The following BCL2L11 variants were observed in gnomAD, a reference collection of about 807,000 sequenced individuals.
BCL2L11 encodes the protein bcl-2-like protein 11.
Under a neutral mutation model 20.6 loss-of-function variants are expected in BCL2L11, and 15 were observed. The ratio of observed to expected loss-of-function variants is 0.73; its 90% confidence interval spans 0.49 to 1.12. The LOEUF is 1.12. Ranked by LOEUF, BCL2L11 falls within the 50% of genes most tolerant of loss-of-function variation. BCL2L11 has a pLI of 0.00. For missense variants in BCL2L11, 292 were observed against 260.9 expected (o/e 1.12, Z -0.82); for synonymous variants, 108 against 92.8 (o/e 1.16, Z -0.94).
At chr2:111,123,695 T>C (rs2071785440) in intron 1 of BCL2L11, 38 bp from the exon 2 acceptor site, 1 of 1,382,234 alleles carries the variant, frequency 7.2e-7, no homozygotes, top group African/African-American at 1.5e-5. Flanking sequence ...GATTTTTTTT[T>C]TTGCTTAAAA....
chr2:111,150,908 G>T (rs616144), intron 3 of BCL2L11, among the ~76,000 whole-genome samples: 33,827 of 88,584 alleles, frequency 0.38, 4,220 homozygotes, highest in African/African-American at 0.47. Flanking sequence ...GTTTGTTTGT[G>T]TGTGTGTTTG....
chr2:111,123,351 G>A, intron 1 of BCL2L11: 1 of 985,494 alleles, frequency 1.0e-6, no homozygotes, highest in East Asian at 1.1e-4. Context: ...CCGCTCCTGT[G>A]CTCCGGCGTC....
intron 2 of BCL2L11, among the ~76,000 whole-genome samples, chr2:111,149,332 CTCTT>C (rs1297833613): frequency 1.3e-5 from 2 of 152,310 alleles, no homozygotes; most frequent in Middle Eastern, 3.4e-3. Flanking sequence ...GCAGTCCTCC[CTCTT>C]TCTTCTCCTT....
At chr2:111,145,838 TTGAAGATTCAGTG>T (rs749470429) in intron 2 of BCL2L11, 14 of 323,548 alleles carry the variant, frequency 4.3e-5, no homozygotes, top group Non-Finnish European at 5.8e-5. Flanking sequence ...TCTAAGAAGT[TTGAAGATTCAGTG>T]GACACACTTT....
chr2:111,164,660 C>CCT lies in BCL2L11; in HGVS notation c.*430_*431dup, dbSNP rs1241160435. ...CCTATTCTCAGAGGATTATGTAACC[C>CCT]CTGCAGTGGAAACTGAGCCAGCTAA... On this transcript the variant is annotated 3_prime_UTR_variant, in exon 4 of 4. Coordinates refer to ENST00000393256, the MANE Select transcript of BCL2L11 (RefSeq NM_138621.5). 6.5e-6 allele frequency: 1 copy of CCT among 153,944 alleles called. No individual in the cohort carries two copies. The highest frequency in any genetic ancestry group is 2.4e-5 in the African/African-American group (1 of 41,390). The allele number at this position is 153,944 out of a possible 1,614,324, so 9.5% of individuals were successfully genotyped here.
At chr2:111,162,319 C>G (rs2078662333) in intron 3 of BCL2L11, among the ~76,000 whole-genome samples, 1 of 152,232 alleles carries the variant, frequency 6.6e-6, no homozygotes, top group Admixed American at 6.5e-5. Flanking sequence ...TCCCCGCACA[C>G]TTGCAGACTG....
At chr2:111,130,640 A>G (rs2073769445) in intron 2 of BCL2L11, among the ~76,000 whole-genome samples, 1 of 152,122 alleles carries the variant, frequency 6.6e-6, no homozygotes, top group Non-Finnish European at 1.5e-5. Flanking sequence ...TCTAGTGTTT[A>G]TGTTGACTAG....
At position 111,164,529 on chromosome 2, in the gene BCL2L11, C is replaced by G. The variant is rs569726997; in HGVS notation, c.*298C>G. 1.5e-4 allele frequency: 38 copies of G among 256,490 alleles called. No homozygotes were observed. The highest frequency in any genetic ancestry group is 2.8e-4 in the Non-Finnish European group (37 of 133,750). 15.9% of individuals were successfully genotyped at this position (256,490 alleles called of 1,614,324 possible). The stretch of plus-strand genomic sequence containing the variant: ...TTTGTGTAAGAATGGTGTTTACATG[C>G]AGTGTGTTTTCCCCCTCACCTTCAA... On this transcript the variant is annotated 3_prime_UTR_variant, in exon 4 of 4. Transcript: ENST00000393256.
intron 3 of BCL2L11, among the ~76,000 whole-genome samples, chr2:111,151,568 T>C (rs1575148850): frequency 1.3e-5 from 2 of 152,336 alleles, no homozygotes; most frequent in South Asian, 4.1e-4. Context: ...AAATGGATTT[T>C]ACCTTTGATT....
intron 2 of BCL2L11, among the ~76,000 whole-genome samples, chr2:111,135,095 CCCTT>C (rs1559038085): frequency 6.6e-6 from 1 of 150,422 alleles, no homozygotes; most frequent in East Asian, 2.1e-4. Context: ...CTTTTCCAGT[CCCTT>C]CCTCTCTTTT....
chr2:111,167,137 AT>A lies in BCL2L11; in HGVS notation c.*2908del, dbSNP rs1185276834. ...TTTAATGTCTTAATTTCTGAAAAGT[AT>A]TAACATCCCTGTCTCCCACTCCCCT... On this transcript the variant is annotated 3_prime_UTR_variant, in exon 4 of 4. Coordinates refer to ENST00000393256, the MANE Select transcript of BCL2L11 (RefSeq NM_138621.5). The A allele has an allele frequency of 6.6e-6, 1 of 152,664 alleles. No individual in the cohort carries two copies. Among genetic ancestry groups the A allele is most frequent in the Non-Finnish European group, 1.5e-5 (1 of 68,048 alleles). The allele number at this position is 152,664 out of a possible 1,614,324, so 9.5% of individuals were successfully genotyped here. A position where few individuals can be genotyped will look rare whatever the true frequency, so the allele number is the denominator to read the frequency against.
At chr2:111,126,104 G>A (rs1321986108) in intron 2 of BCL2L11, among the ~76,000 whole-genome samples, 1 of 152,140 alleles carries the variant, frequency 6.6e-6, no homozygotes, top group Admixed American at 6.5e-5. Flanking sequence ...CAAGCAAAAT[G>A]CATACATTGG....
At chr2:111,128,896 C>T in intron 2 of BCL2L11, 3 of 1,301,120 alleles carry the variant, frequency 2.3e-6, no homozygotes, top group Non-Finnish European at 3.1e-6. Flanking sequence ...GAAAAATGCA[C>T]AATTAGATTT....
chr2:111,143,133 G>T (rs1168200220), intron 2 of BCL2L11, among the ~76,000 whole-genome samples: 1 of 152,202 alleles, frequency 6.6e-6, no homozygotes, highest in Non-Finnish European at 1.5e-5. Flanking sequence ...GCACAGGTCA[G>T]ATACTTTTAA....
intron 2 of BCL2L11, among the ~76,000 whole-genome samples, chr2:111,126,688 T>G (rs990122028): frequency 2.0e-5 from 3 of 152,212 alleles, no homozygotes; most frequent in Admixed American, 6.5e-5. Flanking sequence ...TAAGTGGTTC[T>G]CTTGACTTTG....
intron 2 of BCL2L11, among the ~76,000 whole-genome samples, chr2:111,144,800 A>G (rs939387181): frequency 1.3e-5 from 2 of 152,170 alleles, no homozygotes; most frequent in Non-Finnish European, 1.5e-5. Context: ...GGCCCTTTAC[A>G]GGATCCTTTA....
At chr2:111,128,692 T>G (rs369021845) in intron 2 of BCL2L11, 17 of 1,550,610 alleles carry the variant, frequency 1.1e-5, no homozygotes, top group Non-Finnish European at 1.5e-5. Context: ...TGGCTTAGAT[T>G]TGTATGGCCA....
At position 111,166,939 on chromosome 2, in the gene BCL2L11, TCCTTTA is replaced by T. The variant is rs2079050722; in HGVS notation, c.*2713_*2718del. The T allele has an allele frequency of 6.6e-6, 1 of 152,670 alleles. No homozygotes were observed. Among genetic ancestry groups the T allele is most frequent in the African/African-American group, 2.4e-5 (1 of 41,456 alleles). The allele number at this position is 152,670 out of a possible 1,614,324, so 9.5% of individuals were successfully genotyped here. A position where few individuals can be genotyped will look rare whatever the true frequency, so the allele number is the denominator to read the frequency against. On this transcript the variant is annotated 3_prime_UTR_variant, in exon 4 of 4. Coordinates refer to ENST00000393256, the MANE Select transcript of BCL2L11 (RefSeq NM_138621.5). ...CCAAATGTCTGTGTGCAATTGTGTT[TCCTTTA>T]CCTTGTAAAATTTTGTACAGCATAA...
chr2:111,123,617 A>G, intron 1 of BCL2L11, 116 bp from the exon 2 acceptor site: 1 of 1,229,480 alleles, frequency 8.1e-7, no homozygotes, highest in East Asian at 3.1e-5. Context: ...AAAAGTATAG[A>G]ACAAAGTATT....
Sources: allele counts gnomAD v4.1 joint callset (sites outside exome capture counted in the v4.1 genomes callset), GRCh38; gene constraint gnomAD v4.1.1; transcripts MANE v1.5; gene names NCBI Gene and HGNC (gene_info 2026-07-23, HGNC 2026-07-21).